Variants in ATP2B2 observed in about 807,000 individuals in gnomAD.
The protein encoded by ATP2B2 is plasma membrane calcium-transporting ATPase 2.
A neutral mutation model predicts 120.0 loss-of-function variants in ATP2B2; 15 were observed. That is an observed-to-expected ratio of 0.12 (90% CI 0.08 to 0.19). The LOEUF is 0.19. ATP2B2 is among the 10% of genes least tolerant of loss of function. ATP2B2 has a pLI of 1.00. For missense variants in ATP2B2, 1,045 were observed against 1,719.8 expected, an observed-to-expected ratio of 0.61 and a Z score of 6.94; for synonymous variants, 694 against 700.3, an observed-to-expected ratio of 0.99 and a Z score of 0.14.
chr3:10,344,840 C>T (rs186371017), intron 18 of ATP2B2, among the ~76,000 whole-genome samples: 1 of 152,324 alleles, frequency 6.6e-6, no homozygotes, highest in East Asian at 1.9e-4. Flanking sequence ...TGCTCCAGAC[C>T]CAGTCGTGGT....
chr3:10,375,278 T>C lies in ATP2B2; in HGVS notation c.1416+152A>G. On this transcript the variant is annotated intron_variant, in intron 11 of 22. Coordinates refer to ENST00000360273, the MANE Select transcript of ATP2B2 (RefSeq NM_001001331.4). The surrounding 1 kb of genome is among the most constrained non-coding windows in gnomAD (Gnocchi z 4.2). The stretch of plus-strand genomic sequence containing the variant: ...GGACTCTATGAAAGCGTCAGAGTTT[T>C]GGGGTCCTGCATACATTCTTCTTCC... 1.5e-6 allele frequency: 1 copy of C among 653,316 alleles called. No individual in the cohort carries two copies. 40.5% of individuals were successfully genotyped at this position (653,316 alleles called of 1,614,324 possible).
chr3:10,612,825 G>C (rs540547740), intron 2 of ATP2B2, among the ~76,000 whole-genome samples: 1 of 152,210 alleles, frequency 6.6e-6, no homozygotes, highest in Non-Finnish European at 1.5e-5. Flanking sequence ...TGGTTATATG[G>C]TTGTATAATA....
intron 2 of ATP2B2, among the ~76,000 whole-genome samples, chr3:10,578,546 C>CAA (rs35312020): frequency 1.7e-4 from 23 of 136,056 alleles, no homozygotes; most frequent in African/African-American, 5.7e-4. Flanking sequence ...GAGTCCATCT[C>CAA]AAAAAAAAAA....
At chr3:10,479,988 G>A (rs1474803259) in intron 1 of ATP2B2, among the ~76,000 whole-genome samples, 2 of 152,082 alleles carry the variant, frequency 1.3e-5, no homozygotes, top group African/African-American at 4.8e-5. Flanking sequence ...CCAGCTACTC[G>A]GGAGGCTGAG....
At chr3:10,445,802 C>T (rs866195700) in intron 2 of ATP2B2, among the ~76,000 whole-genome samples, 27 of 152,128 alleles carry the variant, frequency 1.8e-4, no homozygotes, top group African/African-American at 6.5e-4. Context: ...TAGGGGGTGT[C>T]GGGAATGGTC....
At chr3:10,455,702 G>C (rs1299683467) in intron 1 of ATP2B2, among the ~76,000 whole-genome samples, 1 of 152,248 alleles carries the variant, frequency 6.6e-6, no homozygotes, top group Non-Finnish European at 1.5e-5. Flanking sequence ...GGCCTGGACA[G>C]GGCATATAGC....
chr3:10,489,783 T>C (rs2065865158), intron 1 of ATP2B2, among the ~76,000 whole-genome samples: 1 of 152,166 alleles, frequency 6.6e-6, no homozygotes, highest in African/African-American at 2.4e-5. Flanking sequence ...TCCAGCCTCA[T>C]CCCTCCAACC....
chr3:10,432,959 C>T (rs372975298), intron 2 of ATP2B2, among the ~76,000 whole-genome samples: 1 of 152,182 alleles, frequency 6.6e-6, no homozygotes, highest in Admixed American at 6.5e-5. Flanking sequence ...GCTGGGGGAG[C>T]TCTCAGTATG....
chr3:10,459,381 A>C (rs2064391569), intron 1 of ATP2B2, among the ~76,000 whole-genome samples: 1 of 152,236 alleles, frequency 6.6e-6, no homozygotes, highest in East Asian at 1.9e-4. Context: ...TTGGGCTGCA[A>C]GAGAGGGAAC....
chr3:10,658,887 G>A (rs960663558), intron 1 of ATP2B2, among the ~76,000 whole-genome samples: 3 of 151,942 alleles, frequency 2.0e-5, no homozygotes, highest in African/African-American at 4.8e-5. Flanking sequence ...CAGACTAACA[G>A]CGGATCTCTC....
intron 4 of ATP2B2, among the ~76,000 whole-genome samples, chr3:10,401,421 G>A (rs1575125300): frequency 6.6e-6 from 1 of 152,298 alleles, no homozygotes; most frequent in African/African-American, 2.4e-5. Context: ...TGGTTTAGGG[G>A]AAATATTTTG....
chr3:10,328,677 G>T lies in ATP2B2; in HGVS notation c.*137C>A. 1 of 917,234 alleles carries T rather than the reference G, an allele frequency of 1.1e-6. No homozygotes were observed. The highest frequency in any genetic ancestry group is 1.6e-6 in the Non-Finnish European group (1 of 622,420). 56.8% of individuals were successfully genotyped at this position (917,234 alleles called of 1,614,324 possible). On this transcript the variant is annotated 3_prime_UTR_variant, in exon 23 of 23. Coordinates refer to ENST00000360273, the MANE Select transcript of ATP2B2 (RefSeq NM_001001331.4). ...AAAGGGTCTGTGGGTGGAAACGTTG[G>T]TTTTCTCTCCAGTATTTGGTTTCCG...
At chr3:10,353,957 G>A (rs2060644707) in intron 14 of ATP2B2, among the ~76,000 whole-genome samples, 1 of 152,160 alleles carries the variant, frequency 6.6e-6, no homozygotes, top group South Asian at 2.1e-4. Context: ...GGATGGGCAC[G>A]TGCACACCTT....
At chr3:10,674,015 A>G (rs1204324922) in intron 1 of ATP2B2, among the ~76,000 whole-genome samples, 1 of 151,942 alleles carries the variant, frequency 6.6e-6, no homozygotes, top group African/African-American at 2.4e-5. Flanking sequence ...AGAAGCCAAT[A>G]TTAAGCTTTG....
At chr3:10,429,581 C>T (rs769730463) in intron 2 of ATP2B2, among the ~76,000 whole-genome samples, 12 of 152,172 alleles carry the variant, frequency 7.9e-5, no homozygotes, top group Non-Finnish European at 1.3e-4. Flanking sequence ...CTCCACTAAC[C>T]GGCTGTTCCC....
chr3:10,600,215 G>C (rs569785473), intron 2 of ATP2B2, among the ~76,000 whole-genome samples: 1 of 152,322 alleles, frequency 6.6e-6, no homozygotes, highest in East Asian at 1.9e-4. Context: ...TCTTGGCCTA[G>C]GGGTTTCATT....
chr3:10,572,604 G>A (rs36120757), intron 2 of ATP2B2, among the ~76,000 whole-genome samples: 6,183 of 152,256 alleles, frequency 0.041, 323 homozygotes, highest in East Asian at 0.27. Context: ...GGAGCAGGAG[G>A]GGGTGTGTGG....
chr3:10,472,023 G>C (rs1244905176), intron 1 of ATP2B2, among the ~76,000 whole-genome samples: 1 of 147,792 alleles, frequency 6.8e-6, no homozygotes, highest in Non-Finnish European at 1.5e-5. Flanking sequence ...GGAACTTGGA[G>C]TGAGCCGAGA....
chr3:10,488,484 T>TTCCTTCCG (rs2065806901), intron 1 of ATP2B2, among the ~76,000 whole-genome samples: 1 of 101,232 alleles, frequency 9.9e-6, no homozygotes. Context: ...CCTTCCTTCC[T>TTCCTTCCG]TCCTTCCTTC....
Sources: allele counts gnomAD v4.1 joint callset (sites outside exome capture counted in the v4.1 genomes callset), GRCh38; gene constraint gnomAD v4.1.1; non-coding constraint Gnocchi (gnomAD v3.1); transcripts MANE v1.5; gene names NCBI Gene and HGNC (gene_info 2026-07-23, HGNC 2026-07-21).